A2ML1: variants seen among roughly 807,000 people sequenced by gnomAD.
The protein encoded by A2ML1 is alpha-2-macroglobulin-like protein 1.
A2ML1 carries 161 observed loss-of-function variants against 181.9 expected under a neutral mutation model. That is an observed-to-expected ratio of 0.89 (90% CI 0.78 to 1.01). The LOEUF (loss-of-function observed/expected upper bound fraction) is 1.01, where lower values mean the gene tolerates loss of function less well. A2ML1 is among the 50% of genes least tolerant of loss of function. A2ML1 has a pLI of 0.00. For synonymous variants in A2ML1, 663 were observed against 666.8 expected, an observed-to-expected ratio of 0.99 and a Z score of 0.09; for missense variants, 1,670 against 1,768.1, an observed-to-expected ratio of 0.94 and a Z score of 1.00.
chr12:8,848,580 CA>C, intron 15 of A2ML1, 139 bp from the exon 16 acceptor site: 1 of 640,702 alleles, frequency 1.6e-6, no homozygotes, highest in Non-Finnish European at 2.5e-6. Flanking sequence ...GTAATTATGA[CA>C]GAATGAATAT....
intron 12 of A2ML1, chr12:8,844,871 A>T: frequency 3.1e-6 from 2 of 643,934 alleles, no homozygotes; most frequent in Non-Finnish European, 4.2e-6. Context: ...CAGGCGTCCA[A>T]GGAACCGACC....
intron 28 of A2ML1, among the ~76,000 whole-genome samples, chr12:8,863,253 C>T (rs144303262): frequency 0.049 from 7,469 of 152,018 alleles, 266 homozygotes; most frequent in Non-Finnish European, 0.08. Flanking sequence ...ATTAGAGGCA[C>T]GCGCCACCAC....
Position 8,854,950 on chromosome 12 carries a change from A to G in A2ML1, c.2764+119A>G, listed in dbSNP as rs1944013978. 9.2e-6 allele frequency: 10 copies of G among 1,088,240 alleles called. No homozygotes were observed. The East Asian group carries it at 2.5e-4, about 28-fold the overall frequency. 67.4% of individuals were successfully genotyped at this position (1,088,240 alleles called of 1,614,324 possible). A position where few individuals can be genotyped will look rare whatever the true frequency, so the allele number is the denominator to read the frequency against. On this transcript the variant is annotated intron_variant, in intron 22 of 35. Coordinates refer to ENST00000299698, the MANE Select transcript of A2ML1 (RefSeq NM_144670.6). Reference sequence around the variant, plus strand: ...CGCTCCGTCGTCCAGGCTGGATTGCAGTGGCACGATTTCAGCTCATTGCAA... The same window carrying G: ...CGCTCCGTCGTCCAGGCTGGATTGCGGTGGCACGATTTCAGCTCATTGCAA...
At chr12:8,879,422 C>T (rs1322225756), downstream of A2ML1, among the ~76,000 whole-genome samples, 8 of 151,158 alleles carry the variant, frequency 5.3e-5, no homozygotes, top group Admixed American at 2.0e-4. Flanking sequence ...ACCCGGGAGG[C>T]GGAGGTTGCA....
chr12:8,842,221 CTT>C (rs763862924), intron 11 of A2ML1, among the ~76,000 whole-genome samples: 23 of 143,048 alleles, frequency 1.6e-4, no homozygotes, highest in Non-Finnish European at 2.0e-4. Flanking sequence ...ATGTTTTTTT[CTT>C]TTTTTTTTTT....
rs1942804189 is a variant in A2ML1, at chr12:8,823,233, GGTTT to G, written c.120_123del (p.Cys40TrpfsTer3). 2 of 1,613,988 alleles carry G rather than the reference GGTTT, an allele frequency of 1.2e-6. No homozygotes were observed. The highest frequency in any genetic ancestry group is 1.7e-6 in the Non-Finnish European group (2 of 1,180,032). ...GGCTAAATTTCCCCTCCGTTCAGAA[GGTTT>G]GTTTGGACCTGAGCCCTGGGTACAG... On this transcript the variant is annotated frameshift_variant, in exon 2 of 36. Transcript: ENST00000299698. LOFTEE classifies it high-confidence loss of function.
intron 17 of A2ML1, 103 bp from the exon 18 acceptor site, chr12:8,850,057 C>T (rs1943835368): frequency 1.1e-6 from 1 of 894,136 alleles, no homozygotes. Flanking sequence ...TGGATGTTCT[C>T]TGCTTCCCTC....
chr12:8,837,325 G>A, intron 7 of A2ML1, 115 bp from the exon 8 acceptor site: 1 of 1,450,968 alleles, frequency 6.9e-7, no homozygotes, highest in Non-Finnish European at 9.4e-7. Flanking sequence ...GGCCCAGATT[G>A]TCAGAGCTTT....
At chr12:8,859,801 A>G (rs1195617929) in intron 26 of A2ML1, among the ~76,000 whole-genome samples, 2 of 151,938 alleles carry the variant, frequency 1.3e-5, no homozygotes, top group Non-Finnish European at 2.9e-5. Context: ...CCTGGCCTCA[A>G]GTGATCCACC....
rs775313036 is a variant in A2ML1, at chr12:8,855,586, G to T, written c.2842G>T (p.Val948Phe). ...VPDSTKAYVT[V>F]LGDIMGTALQ... Reference sequence around the variant, plus strand: ...TGACTCGACCAAGGCTTATGTTACGGTTCTGGGTAAGCAGTTAGAGATTCT... The same window carrying T: ...TGACTCGACCAAGGCTTATGTTACGTTTCTGGGTAAGCAGTTAGAGATTCT... The change falls in exon 23 of 36, where the codon GTT becomes TTT. Residue 948 changes from valine to phenylalanine, a missense_variant. Val to Phe is a conservative substitution (Grantham distance 50). Transcript: ENST00000299698. 2 of 1,614,010 alleles carry T rather than the reference G, an allele frequency of 1.2e-6. No homozygotes were observed. The highest frequency in any genetic ancestry group is 2.7e-5 in the African/African-American group (2 of 74,916).
At position 8,863,613 on chromosome 12, in the gene A2ML1, G is replaced by A. The variant is rs7305103; in HGVS notation, c.3503-181G>A. On this transcript the variant is annotated intron_variant, in intron 28 of 35. Transcript: ENST00000299698. ...TGCTTCTAGCTTTACACACAGGCAC[G>A]CACATGCATCCTTGCATTTACATCA... Among the ~76,000 whole-genome samples, 142,834 of 152,068 alleles carry A rather than the reference G, an allele frequency of 0.94. 67,721 individuals carry two copies. The highest frequency in any genetic ancestry group is 1 in the Non-Finnish European group (67,972 of 68,008).
rs918298106 is a variant in A2ML1 at position 8,876,360 on chromosome 12, G to C, written c.*304G>C. 6.6e-6 allele frequency: 1 copy of C among 152,132 alleles called. No homozygotes were observed. The highest frequency in any genetic ancestry group is 2.4e-5 in the African/African-American group (1 of 41,402). The allele number at this position is 152,132 out of a possible 1,614,324, so 9.4% of individuals were successfully genotyped here. A position where few individuals can be genotyped will look rare whatever the true frequency, so the allele number is the denominator to read the frequency against. On this transcript the variant is annotated 3_prime_UTR_variant, in exon 36 of 36. Transcript: ENST00000299698. ...CTCCAGAGAGGAGACGGTGGTAGAG[G>C]GTGAACTAGAGAAGATAAGAATGTC...
rs1038362689 is a variant in A2ML1 at position 8,823,511 on chromosome 12, G to C, written c.246+146G>C. Reference sequence around the variant, plus strand: ...TTTCTCAACTTAACCTCAATCCCCGGCTATAACTCACCCACGGTTTCCTCG... The same window carrying C: ...TTTCTCAACTTAACCTCAATCCCCGCCTATAACTCACCCACGGTTTCCTCG... On this transcript the variant is annotated intron_variant, in intron 2 of 35. Transcript: ENST00000299698. The C allele has an allele frequency of 4.6e-6, 5 of 1,092,564 alleles. No individual in the cohort carries two copies. In the African/African-American group the frequency reaches 7.9e-5, roughly 17 times the overall value. 67.7% of individuals were successfully genotyped at this position (1,092,564 alleles called of 1,614,324 possible).
At position 8,851,916 on chromosome 12, in the gene A2ML1, G is replaced by A. The variant is rs1860927; in HGVS notation, c.2367G>A (p.Pro789=). The change falls in exon 19 of 36, where the codon CCG becomes CCA. Residue 789 remains proline, a synonymous_variant. Transcript: ENST00000299698. The part of the protein sequence containing the change: ...SPTVGLTAFK[P]FFVDLTLPYS... ...CTGTTGGACTAACTGCTTTCAAGCC[G>A]TTCTTTGTTGACCTGACTCTCCCTT... The A allele has an allele frequency of 0.84, 1,362,344 of 1,613,950 alleles. 577,515 individuals carry two copies. The highest frequency in any genetic ancestry group is 1 in the East Asian group (44,860 of 44,872).
intron 26 of A2ML1, among the ~76,000 whole-genome samples, chr12:8,859,084 T>G (rs2087861186): frequency 1.3e-5 from 2 of 151,936 alleles, no homozygotes; most frequent in Admixed American, 1.3e-4. Flanking sequence ...AGGACTGAGA[T>G]TTGAACCAGG....
At chr12:8,842,825 A>G (rs925707372) in intron 11 of A2ML1, among the ~76,000 whole-genome samples, 1 of 152,184 alleles carries the variant, frequency 6.6e-6, no homozygotes. Context: ...TTTGATTTCT[A>G]TATAATCTAA....
intron 14 of A2ML1, 128 bp downstream of exon 14, chr12:8,846,350 T>C: frequency 9.3e-7 from 1 of 1,069,534 alleles, no homozygotes; most frequent in Non-Finnish European, 1.4e-6. Flanking sequence ...TGTATTATAT[T>C]TATATCTTTA....
rs1035756039 is a variant in A2ML1, at chr12:8,823,875, G to T, written c.402G>T (p.Gly134=). ...CTGACAAACCTCTCTACACCCCAGGGCAGCAAGGTAAGAGTCACATATTTG... is the reference window on the plus strand; with the variant it reads ...CTGACAAACCTCTCTACACCCCAGGTCAGCAAGGTAAGAGTCACATATTTG... ...VQTDKPLYTP[G]QQVYFRIVTM... is the part of the protein sequence containing the mutation. The change falls in exon 3 of 36, where the codon GGG becomes GGT. Residue 134 remains glycine (G), a synonymous_variant. Transcript: ENST00000299698. 1.2e-6 allele frequency: 2 copies of T among 1,611,714 alleles called. No individual in the cohort carries two copies. Among genetic ancestry groups the T allele is most frequent in the African/African-American group, 1.3e-5 (1 of 74,868 alleles).
At position 8,857,196 on chromosome 12, in the gene A2ML1, G is replaced by A. The variant is rs1265181426; in HGVS notation, c.2881G>A (p.Asp961Asn). Residue 961 changes from aspartate to asparagine, a missense_variant, in exon 24 of 36, where the codon GAT becomes AAT. Transcript: ENST00000299698. ...DIMGTALQNL[D>N]GLVQMPSGCG... ...TATGGGCACAGCCCTGCAGAACCTG[G>A]ATGGTCTGGTGCAGATGCCCAGTGG... is the stretch of plus-strand genomic sequence containing the variant. The A allele has an allele frequency of 2.5e-6, 4 of 1,612,572 alleles. No individual in the cohort carries two copies. Among genetic ancestry groups the A allele is most frequent in the Non-Finnish European group, 3.4e-6 (4 of 1,179,992 alleles).
Sources: gnomAD v4.1 joint callset for allele counts (sites outside exome capture counted in the v4.1 genomes callset) on GRCh38, gnomAD v4.1.1 for gene constraint, MANE v1.5 for transcripts, NCBI Gene and HGNC (gene_info 2026-07-23, HGNC 2026-07-21) for gene names.